IGSF3: variants seen among roughly 807,000 people sequenced by gnomAD.
The protein encoded by IGSF3 is glu-Trp-Ile EWI motif-containing protein 3.
A neutral mutation model predicts 114.4 loss-of-function variants in IGSF3; 23 were observed. The ratio of observed to expected loss-of-function variants is 0.20; its 90% confidence interval spans 0.14 to 0.28. The LOEUF (loss-of-function observed/expected upper bound fraction) is 0.28, where lower values mean the gene tolerates loss of function less well. IGSF3 is among the 10% of genes least tolerant of loss of function. IGSF3 has a pLI of 1.00. For synonymous variants in IGSF3, 571 were observed against 645.2 expected, an observed-to-expected ratio of 0.88 and a Z score of 1.74; for missense variants, 1,172 against 1,591.5, an observed-to-expected ratio of 0.74 and a Z score of 4.48.
rs1461215794 is a variant in IGSF3 at position 116,633,763 on chromosome 1, G to A, written c.44-17306C>T. Among the ~76,000 whole-genome samples, 1 of 152,180 alleles carries A rather than the reference G, an allele frequency of 6.6e-6. No individual in the cohort carries two copies. Among genetic ancestry groups the A allele is most frequent in the Non-Finnish European group, 1.5e-5 (1 of 68,030 alleles). On this transcript the variant is annotated intron_variant, in intron 2 of 10. Coordinates refer to ENST00000369486, the MANE Select transcript of IGSF3 (RefSeq NM_001007237.3). This position sits in a 1 kb window ranked among gnomAD's most constrained non-coding sequence, Gnocchi z 4.3. ...ATGATCTTAGGGGTGAAAGAACACT[G>A]AGAAACCATAGAAAGCAAAAATGAA...
chr1:116,654,509 A>G lies in IGSF3; in HGVS notation c.43+11775T>C, dbSNP rs1306712613. On this transcript the variant is annotated intron_variant, in intron 2 of 10. Coordinates refer to ENST00000369486, the MANE Select transcript of IGSF3 (RefSeq NM_001007237.3). This position sits in a 1 kb window ranked among gnomAD's most constrained non-coding sequence, Gnocchi z 4.4. ...CGAGCTGCTACAGCAGCTTCTGGGAATTTGTAAGAGCCATACTGATGAGGG... is the reference window on the plus strand; with the variant it reads ...CGAGCTGCTACAGCAGCTTCTGGGAGTTTGTAAGAGCCATACTGATGAGGG... Among the ~76,000 whole-genome samples, 1 of 152,182 alleles carries G rather than the reference A, an allele frequency of 6.6e-6. No homozygotes were observed. Among genetic ancestry groups the G allele is most frequent in the African/African-American group, 2.4e-5 (1 of 41,450 alleles).
chr1:116,588,581 G>C lies in IGSF3; in HGVS notation c.2440+113C>G. ...GTCCGTGTACCTGCACCCATACTCA[G>C]CATGCACCTTGCAGACAGTCTCTCC... On this transcript the variant is annotated intron_variant, in intron 8 of 10. Transcript: ENST00000369486. This position sits in a 1 kb window ranked among gnomAD's most constrained non-coding sequence, Gnocchi z 4.9. The C allele has an allele frequency of 1.0e-6, 1 of 986,366 alleles. No individual in the cohort carries two copies. The allele number at this position is 986,366 out of a possible 1,614,324, so 61.1% of individuals were successfully genotyped here.
intron 7 of IGSF3, among the ~76,000 whole-genome samples, chr1:116,590,683 C>T (rs901745271): frequency 2.6e-5 from 4 of 152,072 alleles, no homozygotes; most frequent in Non-Finnish European, 1.5e-5. Context: ...GCATCCAGAC[C>T]CAGGACCCAG....
chr1:116,630,550 C>G (rs1647527343), intron 2 of IGSF3, among the ~76,000 whole-genome samples: 1 of 152,172 alleles, frequency 6.6e-6, no homozygotes, highest in Non-Finnish European at 1.5e-5. Flanking sequence ...GGCATCCAAA[C>G]CCACAATCTC....
chr1:116,623,144 C>G (rs528155251), intron 2 of IGSF3, among the ~76,000 whole-genome samples: 6 of 152,362 alleles, frequency 3.9e-5, no homozygotes, highest in Admixed American at 3.3e-4. Context: ...GTGGCATGGG[C>G]TAAAAGATCC....
chr1:116,579,972 A>G lies in IGSF3; in HGVS notation c.2849-95T>C. 1 of 1,076,014 alleles carries G rather than the reference A, an allele frequency of 9.3e-7. No homozygotes were observed. The highest frequency in any genetic ancestry group is 1.6e-5 in the South Asian group (1 of 61,514). 66.7% of individuals were successfully genotyped at this position (1,076,014 alleles called of 1,614,324 possible). The stretch of plus-strand genomic sequence containing the variant: ...CCATCATTAAACACATGATAGTAAC[A>G]TCCATACTATAAGATATTATGCACC... On this transcript the variant is annotated intron_variant, in intron 9 of 10. Transcript: ENST00000369486. This position sits in a 1 kb window ranked among gnomAD's most constrained non-coding sequence, Gnocchi z 6.4.
rs1264735188 is a variant in IGSF3, at chr1:116,583,120, C to T, written c.2848+1525G>A. 6.6e-6 allele frequency among the ~76,000 whole-genome samples: 1 copy of T among 152,158 alleles called. No individual in the cohort carries two copies. Among genetic ancestry groups the T allele is most frequent in the Non-Finnish European group, 1.5e-5 (1 of 68,030 alleles). On this transcript the variant is annotated intron_variant, in intron 9 of 10. Transcript: ENST00000369486. This position sits in a 1 kb window ranked among gnomAD's most constrained non-coding sequence, Gnocchi z 4.5. The stretch of plus-strand genomic sequence containing the variant: ...ATGCTTTGGTCCCTCATGAGTAAAA[C>T]CTACCACTCAGAGTTATTGTGAAGA...
rs531504199 is a variant in IGSF3, at chr1:116,628,031, A to G, written c.44-11574T>C. On this transcript the variant is annotated intron_variant, in intron 2 of 10. Coordinates refer to ENST00000369486, the MANE Select transcript of IGSF3 (RefSeq NM_001007237.3). The surrounding 1 kb of genome is among the most constrained non-coding windows in gnomAD (Gnocchi z 4.2). ...CTCTCAGCAGTGGAAGCACTAGCCAATGTGCCATCCTCTTGGATGATAGCT... is the reference window on the plus strand; with the variant it reads ...CTCTCAGCAGTGGAAGCACTAGCCAGTGTGCCATCCTCTTGGATGATAGCT... 3.9e-5 allele frequency among the ~76,000 whole-genome samples: 6 copies of G among 152,328 alleles called. No individual in the cohort carries two copies. The highest frequency in any genetic ancestry group is 1.2e-4 in the African/African-American group (5 of 41,574).
At chr1:116,599,578 C>G (rs1258821964) in intron 7 of IGSF3, among the ~76,000 whole-genome samples, 2 of 152,176 alleles carry the variant, frequency 1.3e-5, no homozygotes, top group Admixed American at 6.5e-5. Flanking sequence ...ACTACACTAA[C>G]GTAAAACCCC....
intron 10 of IGSF3, among the ~76,000 whole-genome samples, chr1:116,578,708 A>G (rs1044301258): frequency 6.6e-6 from 1 of 152,196 alleles, no homozygotes; most frequent in African/African-American, 2.4e-5. Flanking sequence ...TTTTTAGTCT[A>G]ATGTAGTCCA....
chr1:116,660,218 G>A (rs1649053774), intron 2 of IGSF3, among the ~76,000 whole-genome samples: 1 of 152,126 alleles, frequency 6.6e-6, no homozygotes, highest in Non-Finnish European at 1.5e-5. Flanking sequence ...GACTTAATTG[G>A]GAGTAGAATG....
rs780041037 is a variant in IGSF3 at position 116,666,793 on chromosome 1, A to C, written c.-467T>G. 1 of 413,432 alleles carries C rather than the reference A, an allele frequency of 2.4e-6. No homozygotes were observed. The highest frequency in any genetic ancestry group is 4.3e-6 in the Non-Finnish European group (1 of 234,732). The allele number at this position is 413,432 out of a possible 1,614,324, so 25.6% of individuals were successfully genotyped here. ...TTTCGTCAAAACCTTTGACGGCCAA[A>C]TCACCCTGCCTGGCATCAACCGTTT... On this transcript the variant is annotated 5_prime_UTR_variant, in exon 2 of 11. Coordinates refer to ENST00000369486, the MANE Select transcript of IGSF3 (RefSeq NM_001007237.3).
chr1:116,601,752 G>A (rs147106996), intron 6 of IGSF3, among the ~76,000 whole-genome samples: 5,117 of 152,182 alleles, frequency 0.034, 161 homozygotes, highest in African/African-American at 0.086. Flanking sequence ...TTTATGACAC[G>A]GAGGCCCATC....
At chr1:116,643,490 C>T (rs1204574827) in intron 2 of IGSF3, among the ~76,000 whole-genome samples, 6 of 152,274 alleles carry the variant, frequency 3.9e-5, no homozygotes, top group Non-Finnish European at 7.3e-5. Flanking sequence ...CTCCTTTGTA[C>T]ATTTATTACT....
rs557818274 is a variant in IGSF3 at position 116,596,636 on chromosome 1, A to G, written c.2029+3305T>C. Among the ~76,000 whole-genome samples, 12 of 152,380 alleles carry G rather than the reference A, an allele frequency of 7.9e-5. No homozygotes were observed. In the East Asian group the frequency reaches 2.3e-3, roughly 29 times the overall value. On this transcript the variant is annotated intron_variant, in intron 7 of 10. Transcript: ENST00000369486. This position sits in a 1 kb window ranked among gnomAD's most constrained non-coding sequence, Gnocchi z 4.1. ...GGGTGGTTAACCAGAGAGAGGAAAC[A>G]TTAAATACAAGTATACAGTACCAAA...
At position 116,664,045 on chromosome 1, in the gene IGSF3, C is replaced by T. The variant is rs144296894; in HGVS notation, c.43+2239G>A. Among the ~76,000 whole-genome samples, 3 of 152,298 alleles carry T rather than the reference C, an allele frequency of 2.0e-5. No homozygotes were observed. The highest frequency in any genetic ancestry group is 1.9e-4 in the East Asian group (1 of 5,184). ...ACATGGGTTTTGCTCCCTCCCCAAA[C>T]GCCTTCTACCTCTCCCAGATTAGTA... On this transcript the variant is annotated intron_variant, in intron 2 of 10. Coordinates refer to ENST00000369486, the MANE Select transcript of IGSF3 (RefSeq NM_001007237.3). The surrounding 1 kb of genome is among the most constrained non-coding windows in gnomAD (Gnocchi z 4.6).
rs1053622297 is a variant in IGSF3, at chr1:116,625,927, A to T, written c.44-9470T>A. On this transcript the variant is annotated intron_variant, in intron 2 of 10. Transcript: ENST00000369486. This position sits in a 1 kb window ranked among gnomAD's most constrained non-coding sequence, Gnocchi z 4.7. ...CCTGACTGATCTCTCTGATGTCTGC[A>T]CTGCTGTGTCACTAGACTGCCTGAT... Among the ~76,000 whole-genome samples the T allele has an allele frequency of 3.3e-5, 5 of 152,236 alleles. No individual in the cohort carries two copies. The highest frequency in any genetic ancestry group is 6.5e-5 in the Admixed American group (1 of 15,290).
intron 2 of IGSF3, among the ~76,000 whole-genome samples, chr1:116,652,759 C>T (rs143670076): frequency 4.6e-5 from 7 of 152,216 alleles, no homozygotes; most frequent in Non-Finnish European, 1.0e-4. Context: ...TCAGGGAACA[C>T]CACTGACCAG....
chr1:116,637,396 T>G (rs1275266079), intron 2 of IGSF3, among the ~76,000 whole-genome samples: 1 of 152,190 alleles, frequency 6.6e-6, no homozygotes, highest in Non-Finnish European at 1.5e-5. Context: ...TTCAGAGAGA[T>G]GCAGATGAAC....
Sources: gnomAD v4.1 joint callset for allele counts (sites outside exome capture counted in the v4.1 genomes callset) on GRCh38, gnomAD v4.1.1 for gene constraint, Gnocchi (gnomAD v3.1) non-coding constraint, MANE v1.5 for transcripts, NCBI Gene and HGNC (gene_info 2026-07-23, HGNC 2026-07-21) for gene names.